Variants in PCDH15 observed in about 807,000 individuals in gnomAD.
PCDH15 encodes protocadherin related 15.
Under a neutral mutation model 178.5 loss-of-function variants are expected in PCDH15, and 129 were observed. That is an observed-to-expected ratio of 0.72 (90% CI 0.63 to 0.84). The LOEUF (loss-of-function observed/expected upper bound fraction) is 0.84. Among genes scored for constraint, PCDH15 ranks in the 40% least tolerant of loss-of-function variants. The probability of loss-of-function intolerance (pLI) is 0.00; values close to 1 mark genes in which losing one functional copy is unlikely to be tolerated. For missense variants in PCDH15, 2,230 were observed against 2,099.9 expected (o/e 1.06, Z -1.21); for synonymous variants, 800 against 732.0 (o/e 1.09, Z -1.50).
intron 15 of PCDH15, among the ~76,000 whole-genome samples, chr10:54,118,520 C>A (rs892634010): frequency 1.3e-5 from 2 of 151,868 alleles, no homozygotes; most frequent in African/African-American, 4.8e-5. Context: ...ATTAGCCAGG[C>A]GTGGTGGCAG....
chr10:55,238,629 A>G (rs1413235023), intron 1 of PCDH15, among the ~76,000 whole-genome samples: 3 of 152,182 alleles, frequency 2.0e-5, no homozygotes, highest in Admixed American at 6.5e-5. Context: ...AACAAAAGTG[A>G]CACTTCTAAA....
rs201106387 is a variant in PCDH15 at position 53,857,199 on chromosome 10, T to A, written c.3782A>T (p.Glu1261Val). ...CTCTGTAAGATCTTCTATCTTTTTT[T>A]CCACTAGAGTAGGAGGCACATTGGA... is the stretch of plus-strand genomic sequence containing the variant. ...IVSNVPPTLV[E>V]KKIEDLTEIL... Residue 1261 changes from glutamate (E) to valine (V), a missense_variant, in exon 28 of 38, where the codon GAA becomes GTA. Glu to Val is a moderately radical substitution (Grantham distance 121). Transcript: ENST00000644397. 6.2e-7 allele frequency: 1 copy of A among 1,607,792 alleles called. No individual in the cohort carries two copies. Among genetic ancestry groups the A allele is most frequent in the Non-Finnish European group, 8.5e-7 (1 of 1,174,640 alleles).
intron 2 of PCDH15, among the ~76,000 whole-genome samples, chr10:55,560,107 C>A (rs370164561): frequency 1.0e-3 from 157 of 151,918 alleles, no homozygotes; most frequent in African/African-American, 3.5e-3. Context: ...ACAAACATGT[C>A]GTATCATTTG....
At chr10:55,253,377 G>A (rs891498984) in intron 1 of PCDH15, among the ~76,000 whole-genome samples, 19 of 151,876 alleles carry the variant, frequency 1.3e-4, no homozygotes, top group Admixed American at 2.0e-4. Flanking sequence ...CCATCCTGTC[G>A]TTTCTCATAT....
chr10:53,875,794 C>T (rs1167081737), intron 26 of PCDH15, among the ~76,000 whole-genome samples: 1 of 152,080 alleles, frequency 6.6e-6, no homozygotes, highest in Non-Finnish European at 1.5e-5. Flanking sequence ...AAAAGAAAAT[C>T]ACCAAATAAT....
At chr10:54,503,095 G>C (rs2080850077) in intron 3 of PCDH15, among the ~76,000 whole-genome samples, 2 of 151,194 alleles carry the variant, frequency 1.3e-5, no homozygotes, top group East Asian at 3.9e-4. Context: ...TTTAGGTGTT[G>C]ATAGTTAAAA....
At chr10:54,644,088 G>A (rs909133945) in intron 2 of PCDH15, among the ~76,000 whole-genome samples, 5 of 147,358 alleles carry the variant, frequency 3.4e-5, no homozygotes, top group South Asian at 2.2e-4. Flanking sequence ...TTGTCCTTGC[G>A]AAAGTTTACT....
chr10:54,375,835 A>T (rs1472621788), intron 4 of PCDH15, among the ~76,000 whole-genome samples: 25 of 127,588 alleles, frequency 2.0e-4, no homozygotes, highest in African/African-American at 6.5e-4. Flanking sequence ...TTTGAAATGG[A>T]ATATATATAT....
intron 1 of PCDH15, among the ~76,000 whole-genome samples, chr10:54,707,871 G>A (rs2095381918): frequency 6.6e-6 from 1 of 152,054 alleles, no homozygotes; most frequent in Non-Finnish European, 1.5e-5. Context: ...TTTAAGAAGG[G>A]GAATAAAGGA....
At chr10:55,572,934 G>A (rs571342398) in intron 2 of PCDH15, among the ~76,000 whole-genome samples, 94 of 152,168 alleles carry the variant, frequency 6.2e-4, no homozygotes, top group Non-Finnish European at 8.8e-4. Flanking sequence ...TTATCTCAGA[G>A]AGGTCACTAG....
chr10:54,671,949 C>T (rs993944695), intron 1 of PCDH15, among the ~76,000 whole-genome samples: 2 of 152,074 alleles, frequency 1.3e-5, no homozygotes, highest in African/African-American at 2.4e-5. Flanking sequence ...GTATTTACAG[C>T]CCCTCCCCAT....
At position 54,183,090 on chromosome 10, in the gene PCDH15, T is replaced by G. The variant is rs1462532035; in HGVS notation, c.1590+354A>C. ...TTGGCCTCCCAGGTTCAAGCGATTCTCCTGCCTCAGCCTCCTGAGTAGCTG... is the reference window on the plus strand; with the variant it reads ...TTGGCCTCCCAGGTTCAAGCGATTCGCCTGCCTCAGCCTCCTGAGTAGCTG... On this transcript the variant is annotated intron_variant, in intron 13 of 37. Transcript: ENST00000644397. 2.0e-5 allele frequency among the ~76,000 whole-genome samples: 3 copies of G among 152,226 alleles called. No individual in the cohort carries two copies. The East Asian group carries it at 5.8e-4, about 29-fold the overall frequency.
intron 1 of PCDH15, among the ~76,000 whole-genome samples, chr10:55,276,685 A>T (rs1842606371): frequency 6.6e-6 from 1 of 151,672 alleles, no homozygotes; most frequent in African/African-American, 2.4e-5. Context: ...AATTTACCTA[A>T]TTTTTGTTTG....
At chr10:55,610,324 T>C (rs920162309) in intron 2 of PCDH15, among the ~76,000 whole-genome samples, 1 of 152,126 alleles carries the variant, frequency 6.6e-6, no homozygotes, top group Non-Finnish European at 1.5e-5. Flanking sequence ...GAACTAATCA[T>C]TCATTATTCA....
rs936459579 is a variant in PCDH15 at position 54,151,883 on chromosome 10, T to C, written c.1784+1217A>G. Among the ~76,000 whole-genome samples the C allele has an allele frequency of 2.0e-5, 3 of 152,246 alleles. No homozygotes were observed. The East Asian group carries it at 5.8e-4, about 29-fold the overall frequency. On this transcript the variant is annotated intron_variant, in intron 14 of 37. Transcript: ENST00000644397. ...TTTTGGAGGGAAAACAGCATTGAGG[T>C]AAGTTAGTAGCACCAGAGGATAGAG...
chr10:54,871,411 C>G (rs1954038014), intron 3 of PCDH15, among the ~76,000 whole-genome samples: 1 of 137,794 alleles, frequency 7.3e-6, no homozygotes, highest in Admixed American at 7.5e-5. Context: ...TGGTCTAGTA[C>G]AGACGAAGTC....
intron 1 of PCDH15, among the ~76,000 whole-genome samples, chr10:54,752,338 G>A (rs1434489056): frequency 6.6e-6 from 1 of 151,542 alleles, no homozygotes; most frequent in Non-Finnish European, 1.5e-5. Context: ...TTAGCCGGGC[G>A]TGGTGGCGGG....
intron 25 of PCDH15, among the ~76,000 whole-genome samples, chr10:53,933,221 C>T (rs181138961): frequency 3.0e-4 from 45 of 151,654 alleles, no homozygotes; most frequent in African/African-American, 5.8e-4. Context: ...ATGTGCACAA[C>T]GTGTAGGTTT....
chr10:55,260,504 T>A (rs1842121223), intron 1 of PCDH15, among the ~76,000 whole-genome samples: 1 of 151,236 alleles, frequency 6.6e-6, no homozygotes, highest in Non-Finnish European at 1.5e-5. Flanking sequence ...TACTAATAAA[T>A]TAGTCAAAAA....
Sources: gnomAD v4.1 joint callset for allele counts (sites outside exome capture counted in the v4.1 genomes callset) on GRCh38, gnomAD v4.1.1 for gene constraint, MANE v1.5 for transcripts, NCBI Gene and HGNC (gene_info 2026-07-23, HGNC 2026-07-21) for gene names.